SPATA6: variants seen among roughly 807,000 people sequenced by gnomAD.
The protein encoded by SPATA6 is spermatogenesis associated 6, also known as spermatogenesis-associated protein 6.
SPATA6 carries 56 observed loss-of-function variants against 65.3 expected under a neutral mutation model. The observed-to-expected ratio is 0.86, with a 90% CI of 0.69 to 1.07. The LOEUF (loss-of-function observed/expected upper bound fraction) is 1.07. Among genes scored for constraint, SPATA6 ranks in the 50% least tolerant of loss-of-function variants. The probability of loss-of-function intolerance (pLI) is 0.00; values close to 1 mark genes in which losing one functional copy is unlikely to be tolerated. For synonymous variants in SPATA6, 199 were observed against 213.2 expected, an observed-to-expected ratio of 0.93 and a Z score of 0.58; for missense variants, 590 against 594.8, an observed-to-expected ratio of 0.99 and a Z score of 0.08.
chr1:48,454,250 A>G (rs1656832139), intron 1 of SPATA6, among the ~76,000 whole-genome samples: 1 of 152,148 alleles, frequency 6.6e-6, no homozygotes, highest in Admixed American at 6.5e-5. Flanking sequence ...TTTGAGTACA[A>G]TATAATATTA....
intron 3 of SPATA6, among the ~76,000 whole-genome samples, chr1:48,428,424 G>A (rs763588067): frequency 5.3e-5 from 8 of 152,146 alleles, no homozygotes; most frequent in Non-Finnish European, 1.2e-4. Flanking sequence ...TTGCACTCCA[G>A]CCTGGGCAAC....
intron 5 of SPATA6, among the ~76,000 whole-genome samples, chr1:48,408,419 T>C (rs1375373981): frequency 1.3e-5 from 2 of 152,234 alleles, no homozygotes; most frequent in Admixed American, 6.5e-5. Context: ...GAGTAAGCTG[T>C]CACTTGATGC....
the SPATA6 span, among the ~76,000 whole-genome samples, chr1:48,279,012 G>C: frequency 1.3e-5 from 2 of 152,190 alleles, no homozygotes; most frequent in African/African-American, 4.8e-5. Flanking sequence ...CCAGAAGAGA[G>C]TGGGGGCCAA....
At chr1:48,471,334 G>A (rs1280836031) in intron 1 of SPATA6, among the ~76,000 whole-genome samples, 1 of 152,174 alleles carries the variant, frequency 6.6e-6, no homozygotes, top group Non-Finnish European at 1.5e-5. Context: ...AAGTCGGAAG[G>A]GTCTGGGGAC....
chr1:48,305,815 A>G lies in SPATA6; in HGVS notation c.1258T>C (p.Ser420Pro), dbSNP rs1255318971. Residue 420 changes from serine to proline, a missense_variant, in exon 12 of 13, where the codon TCT becomes CCT. By Grantham distance (74) the Ser-to-Pro change is moderately conservative. Coordinates refer to ENST00000371847, the MANE Select transcript of SPATA6 (RefSeq NM_019073.4). The stretch of plus-strand genomic sequence containing the variant: ...TACTCGGGGTCACTGTCATAGGCAG[A>G]GTCTCTACATAAAAGACTTCTTTTC... ...ELKRSLLCRD[S>P]AYDSDPEYSS... The G allele has an allele frequency of 6.2e-7, 1 of 1,612,206 alleles. No homozygotes were observed.
intron 11 of SPATA6, among the ~76,000 whole-genome samples, chr1:48,352,757 A>C (rs895497515): frequency 6.6e-6 from 1 of 152,024 alleles, no homozygotes; most frequent in African/African-American, 2.4e-5. Flanking sequence ...CCACATTTAG[A>C]TAGATCATAG....
chr1:48,453,190 C>A, intron 1 of SPATA6, 59 bp from the exon 2 acceptor site: 1 of 1,504,538 alleles, frequency 6.6e-7, no homozygotes, highest in Non-Finnish European at 8.9e-7. Context: ...AACTATCCTA[C>A]TAAAATAACT....
chr1:48,338,216 C>T (rs1418831393), intron 11 of SPATA6, among the ~76,000 whole-genome samples: 1 of 151,842 alleles, frequency 6.6e-6, no homozygotes, highest in African/African-American at 2.4e-5. Flanking sequence ...ATAAACACAG[C>T]GGAGGGGTAA....
At chr1:48,332,467 C>T (rs557798054) in intron 11 of SPATA6, among the ~76,000 whole-genome samples, 38 of 152,216 alleles carry the variant, frequency 2.5e-4, no homozygotes, top group African/African-American at 9.1e-4. Flanking sequence ...TTTAAACCAA[C>T]AAACATCAAA....
intron 11 of SPATA6, among the ~76,000 whole-genome samples, chr1:48,331,121 C>T (rs1645903491): frequency 6.6e-6 from 1 of 152,130 alleles, no homozygotes; most frequent in African/African-American, 2.4e-5. Flanking sequence ...GAACGTAAGA[C>T]CACAAAGATG....
At chr1:48,270,591 T>C in the SPATA6 span, among the ~76,000 whole-genome samples, 2 of 152,088 alleles carry the variant, frequency 1.3e-5, no homozygotes, top group Admixed American at 1.3e-4. Context: ...TACCCCCTAC[T>C]ACACAGATAT....
intron 3 of SPATA6, chr1:48,436,658 C>T: frequency 2.0e-5 from 32 of 1,614,104 alleles, no homozygotes; most frequent in Non-Finnish European, 2.5e-5. Flanking sequence ...TCAGTGCAGC[C>T]GTGGCTGAGT....
At chr1:48,361,006 T>G (rs1192283430) in intron 9 of SPATA6, among the ~76,000 whole-genome samples, 1 of 152,222 alleles carries the variant, frequency 6.6e-6, no homozygotes, top group African/African-American at 2.4e-5. Context: ...GAGTCTAGTT[T>G]TGGACATATT....
At chr1:48,352,960 T>C (rs1646554404) in intron 11 of SPATA6, among the ~76,000 whole-genome samples, 1 of 149,892 alleles carries the variant, frequency 6.7e-6, no homozygotes, top group Non-Finnish European at 1.5e-5. Flanking sequence ...GCAAAACTAT[T>C]GTTCATAAAT....
chr1:48,354,213 A>C (rs1646592644), intron 11 of SPATA6, among the ~76,000 whole-genome samples: 1 of 152,170 alleles, frequency 6.6e-6, no homozygotes, highest in African/African-American at 2.4e-5. Flanking sequence ...AGGCATATGC[A>C]TGCACACACA....
At chr1:48,278,527 TGAAGAATGCA>T in the SPATA6 span, among the ~76,000 whole-genome samples, 1 of 152,012 alleles carries the variant, frequency 6.6e-6, no homozygotes, top group Non-Finnish European at 1.5e-5. Flanking sequence ...GAGAACTACA[TGAAGAATGCA>T]GAAGCCTCAG....
At chr1:48,437,865 C>T (rs1457860149) in intron 3 of SPATA6, among the ~76,000 whole-genome samples, 7 of 149,770 alleles carry the variant, frequency 4.7e-5, no homozygotes, top group African/African-American at 1.5e-4. Flanking sequence ...TCATGCACCC[C>T]GTGGGAGCTC....
At chr1:48,362,708 T>C (rs1188789553) in intron 9 of SPATA6, among the ~76,000 whole-genome samples, 2 of 152,000 alleles carry the variant, frequency 1.3e-5, no homozygotes, top group East Asian at 3.9e-4. Flanking sequence ...ATGGTGCAGG[T>C]CTCACTGAGG....
rs911444037 is a variant in SPATA6, at chr1:48,325,696, C to T, written c.1195-19818G>A. ...CCCTGAGTTAATCATCCTCTTCACC[C>T]GTCTTCTCAATTCCTTTCAGAGCCA... On this transcript the variant is annotated intron_variant, in intron 11 of 12. Transcript: ENST00000371847. 3.9e-5 allele frequency: 22 copies of T among 569,816 alleles called. 1 individual carries two copies. Among genetic ancestry groups the T allele is most frequent in the African/African-American group, 3.8e-4 (20 of 52,796 alleles). 35.3% of individuals were successfully genotyped at this position (569,816 alleles called of 1,614,324 possible).
Sources: gnomAD v4.1 joint callset for allele counts (sites outside exome capture counted in the v4.1 genomes callset) on GRCh38, gnomAD v4.1.1 for gene constraint, MANE v1.5 for transcripts, NCBI Gene and HGNC (gene_info 2026-07-23, HGNC 2026-07-21) for gene names.